CELF4: variants seen among roughly 807,000 people sequenced by gnomAD.
The protein encoded by CELF4 is CUGBP Elav-like family member 4.
A neutral mutation model predicts 59.9 loss-of-function variants in CELF4; 18 were observed. That is an observed-to-expected ratio of 0.30 (90% CI 0.21 to 0.45). The LOEUF is 0.45. Ranked by LOEUF, CELF4 falls within the 20% of genes least tolerant of loss-of-function variation. The pLI, the probability that CELF4 is intolerant of heterozygous loss-of-function variation, is 1.00. For synonymous variants in CELF4, 261 were observed against 267.1 expected (o/e 0.98, Z 0.22); for missense variants, 456 against 689.0 (o/e 0.66, Z 3.79).
intron 1 of CELF4, among the ~76,000 whole-genome samples, chr18:37,499,160 CG>C (rs145637916): frequency 0.08 from 12,105 of 152,120 alleles, 793 homozygotes; most frequent in East Asian, 0.27. Context: ...CAGCATGTGT[CG>C]GGGCTCAGAA....
chr18:37,248,816 C>T (rs549660684), intron 12 of CELF4, among the ~76,000 whole-genome samples: 2 of 152,316 alleles, frequency 1.3e-5, no homozygotes, highest in African/African-American at 4.8e-5. Context: ...TTATCTTGAG[C>T]TTGCACTGGA....
intron 2 of CELF4, among the ~76,000 whole-genome samples, chr18:37,413,760 T>A (rs987480181): frequency 6.6e-6 from 1 of 152,178 alleles, no homozygotes; most frequent in African/African-American, 2.4e-5. Context: ...AGAGCCCCAT[T>A]CCTCCTCTCC....
rs575934043 is a variant in CELF4 at position 37,433,934 on chromosome 18, T to C, written c.369+51591A>G. 3.9e-5 allele frequency among the ~76,000 whole-genome samples: 6 copies of C among 152,338 alleles called. No homozygotes were observed. The East Asian group carries it at 1.2e-3, about 29-fold the overall frequency. On this transcript the variant is annotated intron_variant, in intron 2 of 12. Transcript: ENST00000420428. ...ACAAGAGGCAGAGTTTGGAAGTGTT[T>C]ATTTTTATTTATTTAGTTATTCTTC...
chr18:37,476,237 A>C (rs2099848658), intron 2 of CELF4, among the ~76,000 whole-genome samples: 1 of 152,250 alleles, frequency 6.6e-6, no homozygotes. Context: ...TGTCCTCTGC[A>C]CAGGCTGACA....
chr18:37,541,101 A>G (rs2099977458), intron 1 of CELF4, among the ~76,000 whole-genome samples: 1 of 152,146 alleles, frequency 6.6e-6, no homozygotes, highest in Admixed American at 6.5e-5. Flanking sequence ...AATTTGTTCT[A>G]TTATAAATGA....
chr18:37,343,833 C>A (rs1354158296), intron 2 of CELF4, among the ~76,000 whole-genome samples: 1 of 152,148 alleles, frequency 6.6e-6, no homozygotes, highest in Non-Finnish European at 1.5e-5. Context: ...AGACTCCCCA[C>A]TCCCAAACCC....
chr18:37,246,031 TAAA>T lies in CELF4; in HGVS notation c.*45-837_*45-835del, dbSNP rs968265313. Among the ~76,000 whole-genome samples the T allele has an allele frequency of 6.6e-6, 1 of 152,140 alleles. No homozygotes were observed. Among genetic ancestry groups the T allele is most frequent in the African/African-American group, 2.4e-5 (1 of 41,428 alleles). ...GGCTTTTTGGTGTTTTGTTTTGCTT[TAAA>T]AAAATCATGATCTGACTAGAATCAG... On this transcript the variant is annotated intron_variant, in intron 12 of 12. Coordinates refer to ENST00000420428, the MANE Select transcript of CELF4 (RefSeq NM_020180.4). This position sits in a 1 kb window ranked among gnomAD's most constrained non-coding sequence, Gnocchi z 5.3.
At chr18:37,295,503 T>G (rs2095585722) in intron 3 of CELF4, among the ~76,000 whole-genome samples, 1 of 152,188 alleles carries the variant, frequency 6.6e-6, no homozygotes, top group South Asian at 2.1e-4. Flanking sequence ...CAGAGACCAC[T>G]CCATGCCAAG....
At chr18:37,266,646 C>T in intron 8 of CELF4, 48 bp from the exon 9 acceptor site, 1 of 1,444,852 alleles carries the variant, frequency 6.9e-7, no homozygotes, top group Non-Finnish European at 9.5e-7. Flanking sequence ...ACCACACTGG[C>T]CCTTCCCCTC....
At chr18:37,497,932 C>T (rs889254957) in intron 1 of CELF4, among the ~76,000 whole-genome samples, 5 of 152,170 alleles carry the variant, frequency 3.3e-5, no homozygotes, top group Admixed American at 2.0e-4. Context: ...AAGACTTGCC[C>T]GAGATCTTGT....
At chr18:37,379,242 G>A (rs1401293985) in intron 2 of CELF4, among the ~76,000 whole-genome samples, 1 of 152,282 alleles carries the variant, frequency 6.6e-6, no homozygotes, top group Non-Finnish European at 1.5e-5. Flanking sequence ...AACTCCCTAA[G>A]GCAGAGGCTG....
chr18:37,285,426 G>C (rs1209517900), intron 3 of CELF4, among the ~76,000 whole-genome samples: 1 of 152,226 alleles, frequency 6.6e-6, no homozygotes, highest in Non-Finnish European at 1.5e-5. Context: ...GGCCTGTTCT[G>C]GGCAGAGGTG....
At chr18:37,370,921 C>G (rs933026987) in intron 2 of CELF4, among the ~76,000 whole-genome samples, 3 of 152,198 alleles carry the variant, frequency 2.0e-5, no homozygotes, top group South Asian at 2.1e-4. Flanking sequence ...GACACCTCCT[C>G]CTGGATGTCA....
intron 2 of CELF4, among the ~76,000 whole-genome samples, chr18:37,324,534 C>T (rs2097232619): frequency 6.6e-6 from 1 of 152,160 alleles, no homozygotes; most frequent in Non-Finnish European, 1.5e-5. Flanking sequence ...AATACATTTC[C>T]GTTGTTTAAG....
At chr18:37,395,014 C>G (rs1387008789) in intron 2 of CELF4, among the ~76,000 whole-genome samples, 2 of 149,256 alleles carry the variant, frequency 1.3e-5, no homozygotes, top group Non-Finnish European at 3.0e-5. Context: ...CCTGCAGATC[C>G]AAGTCTCACC....
chr18:37,353,233 A>AAATAT (rs71168258), intron 2 of CELF4, among the ~76,000 whole-genome samples: 2,411 of 106,886 alleles, frequency 0.023, 60 homozygotes, highest in African/African-American at 0.058. Flanking sequence ...AAAAAAAAAA[A>AAATAT]ATATATATAT....
Position 37,346,854 on chromosome 18 carries a change from C to T in CELF4, c.370-24973G>A, listed in dbSNP as rs1395144261. Among the ~76,000 whole-genome samples the T allele has an allele frequency of 2.6e-5, 4 of 152,184 alleles. No homozygotes were observed. The East Asian group carries it at 5.8e-4, about 22-fold the overall frequency. On this transcript the variant is annotated intron_variant, in intron 2 of 12. Coordinates refer to ENST00000420428, the MANE Select transcript of CELF4 (RefSeq NM_020180.4). Reference sequence around the variant, plus strand: ...GCTACCGCTGGGATGAGGAAGTCAGCGGCCCCATGATCCCATCCCAGGGTG... The same window carrying T: ...GCTACCGCTGGGATGAGGAAGTCAGTGGCCCCATGATCCCATCCCAGGGTG...
chr18:37,352,445 C>G (rs72885337), intron 2 of CELF4, among the ~76,000 whole-genome samples: 3,932 of 152,076 alleles, frequency 0.026, 73 homozygotes, highest in Middle Eastern at 0.092. Context: ...GAATTCAAGA[C>G]CAGCCTGGGC....
At chr18:37,491,853 C>G (rs537098480) in intron 1 of CELF4, among the ~76,000 whole-genome samples, 2 of 152,316 alleles carry the variant, frequency 1.3e-5, no homozygotes. Context: ...GGGGGGAAAA[C>G]ACAGTGCAGC....
Sources: gnomAD v4.1 joint callset for allele counts (sites outside exome capture counted in the v4.1 genomes callset) on GRCh38, gnomAD v4.1.1 for gene constraint, Gnocchi (gnomAD v3.1) non-coding constraint, MANE v1.5 for transcripts, NCBI Gene and HGNC (gene_info 2026-07-23, HGNC 2026-07-21) for gene names.